Variants in NR1H4 observed in about 807,000 individuals in gnomAD.
The protein encoded by NR1H4 is bile acid receptor.
A neutral mutation model predicts 58.5 loss-of-function variants in NR1H4; 23 were observed. The observed-to-expected ratio is 0.39, with a 90% CI of 0.28 to 0.56. The LOEUF (loss-of-function observed/expected upper bound fraction) is 0.56. NR1H4 is among the 20% of genes least tolerant of loss of function. The pLI is 0.58. For missense variants in NR1H4, 487 were observed against 576.9 expected (o/e 0.84, Z 1.60); for synonymous variants, 214 against 198.0 (o/e 1.08, Z -0.68).
intron 9 of NR1H4, among the ~76,000 whole-genome samples, chr12:100,551,894 T>C (rs1283890458): frequency 6.6e-6 from 1 of 152,222 alleles, no homozygotes. Context: ...AGATGACTTA[T>C]AATACCTAAT....
At chr12:100,558,912 C>A (rs1238062056) in intron 9 of NR1H4, among the ~76,000 whole-genome samples, 2 of 152,096 alleles carry the variant, frequency 1.3e-5, no homozygotes, top group Non-Finnish European at 2.9e-5. Flanking sequence ...TGCCTTTGGG[C>A]TAGTTATATA....
At chr12:100,531,899 T>C (rs1042864540) in intron 4 of NR1H4, among the ~76,000 whole-genome samples, 17 of 152,156 alleles carry the variant, frequency 1.1e-4, no homozygotes, top group African/African-American at 4.1e-4. Context: ...TGAATGCGAT[T>C]TTCTCCCTGA....
intron 1 of NR1H4, among the ~76,000 whole-genome samples, chr12:100,486,553 C>T (rs1441107468): frequency 6.6e-6 from 1 of 152,164 alleles, no homozygotes; most frequent in Non-Finnish European, 1.5e-5. Context: ...AGCAGATTTT[C>T]TCCCTAAATA....
intron 4 of NR1H4, among the ~76,000 whole-genome samples, chr12:100,519,480 A>C (rs906037350): frequency 6.6e-6 from 1 of 152,036 alleles, no homozygotes; most frequent in African/African-American, 2.4e-5. Context: ...CTGTGACACC[A>C]TCCTGGGGTA....
At chr12:100,483,794 G>C (rs989078049) in intron 1 of NR1H4, among the ~76,000 whole-genome samples, 3 of 152,030 alleles carry the variant, frequency 2.0e-5, no homozygotes, top group African/African-American at 7.3e-5. Context: ...GACCAGTCTG[G>C]CCAACATGGT....
intron 9 of NR1H4, among the ~76,000 whole-genome samples, chr12:100,551,561 T>G (rs1475586163): frequency 2.0e-5 from 3 of 152,234 alleles, no homozygotes; most frequent in Non-Finnish European, 2.9e-5. Context: ...TGCTAACTTT[T>G]GCATGGGCAA....
intron 9 of NR1H4, among the ~76,000 whole-genome samples, chr12:100,556,851 A>G (rs960770933): frequency 1.3e-5 from 2 of 152,220 alleles, no homozygotes; most frequent in Non-Finnish European, 2.9e-5. Flanking sequence ...ATTCGTTTAT[A>G]TATTTGAAAA....
At position 100,559,756 on chromosome 12, in the gene NR1H4, G is replaced by A. The variant is rs562529089; in HGVS notation, c.1079-2129G>A. On this transcript the variant is annotated intron_variant, in intron 9 of 10. Coordinates refer to ENST00000392986, the MANE Select transcript of NR1H4 (RefSeq NM_001206979.2). ...CAGTCCCATCGACCACCCAAGGGCTGAGGAATGCGAGCGCAGGGCGCATGA... is the reference window on the plus strand; with the variant it reads ...CAGTCCCATCGACCACCCAAGGGCTAAGGAATGCGAGCGCAGGGCGCATGA... Among the ~76,000 whole-genome samples the A allele has an allele frequency of 6.9e-3, 1,052 of 152,370 alleles. 8 individuals are homozygous for A. The highest frequency in any genetic ancestry group is 0.012 in the Non-Finnish European group (836 of 68,034).
At chr12:100,522,593 A>G (rs570046509) in intron 4 of NR1H4, among the ~76,000 whole-genome samples, 14 of 151,942 alleles carry the variant, frequency 9.2e-5, no homozygotes, top group Admixed American at 4.6e-4. Context: ...AGTCGTACAA[A>G]TGGTTTTTTG....
intron 6 of NR1H4, among the ~76,000 whole-genome samples, chr12:100,535,651 A>G (rs1351245163): frequency 1.3e-5 from 2 of 152,268 alleles, no homozygotes; most frequent in African/African-American, 4.8e-5. Context: ...TATTTATTAC[A>G]TTATTGACAA....
In NR1H4 at chr12:100,507,491, T is replaced by A. The variant is rs1953995844; in HGVS notation, c.80-3287T>A. Among the ~76,000 whole-genome samples the A allele has an allele frequency of 3.3e-5, 5 of 152,174 alleles. 1 individual carries two copies. The South Asian group carries it at 1.0e-3, about 32-fold the overall frequency. On this transcript the variant is annotated intron_variant, in intron 3 of 10. Transcript: ENST00000392986. ...TGTTTTTGTTTTTTTTGAGACAGAG[T>A]CTTGCTCTGTCTCCAGGCTGGAGTG...
At chr12:100,504,621 G>A (rs1270547326) in intron 3 of NR1H4, among the ~76,000 whole-genome samples, 1 of 152,182 alleles carries the variant, frequency 6.6e-6, no homozygotes, top group African/African-American at 2.4e-5. Flanking sequence ...GCACTATGCA[G>A]TTTCCATTCT....
chr12:100,560,121 C>G (rs1034104912), intron 9 of NR1H4, among the ~76,000 whole-genome samples: 1 of 150,850 alleles, frequency 6.6e-6, no homozygotes, highest in African/African-American at 2.5e-5. Context: ...TGTGGAAACT[C>G]TGTATCTAAC....
intron 1 of NR1H4, among the ~76,000 whole-genome samples, chr12:100,476,107 CAGAT>C (rs1004720545): frequency 6.6e-6 from 1 of 152,256 alleles, no homozygotes; most frequent in Admixed American, 6.5e-5. Context: ...CGTCCACAGG[CAGAT>C]AGTTAGGAAG....
At chr12:100,481,528 C>A (rs1953380134) in intron 1 of NR1H4, among the ~76,000 whole-genome samples, 1 of 152,094 alleles carries the variant, frequency 6.6e-6, no homozygotes. Context: ...AATCCCAGCA[C>A]TTTGGGAGGC....
chr12:100,562,191 T>A (rs947696655), intron 10 of NR1H4, among the ~76,000 whole-genome samples, 193 bp downstream of exon 10: 1 of 152,232 alleles, frequency 6.6e-6, no homozygotes, highest in Non-Finnish European at 1.5e-5. Flanking sequence ...AATATCACAC[T>A]TATTCATTTA....
chr12:100,494,352 C>A (rs1239709430), intron 3 of NR1H4, among the ~76,000 whole-genome samples: 1 of 152,168 alleles, frequency 6.6e-6, no homozygotes, highest in Non-Finnish European at 1.5e-5. Context: ...TAATTATTTA[C>A]ATGTGTACCT....
At chr12:100,539,185 AATGAGTAAAG>A (rs1220646040) in intron 8 of NR1H4, among the ~76,000 whole-genome samples, 1 of 152,206 alleles carries the variant, frequency 6.6e-6, no homozygotes, top group Non-Finnish European at 1.5e-5. Flanking sequence ...GTGTGTGTTC[AATGAGTAAAG>A]CAGAAGGAAA....
chr12:100,487,758 C>T (rs958235919), intron 1 of NR1H4, among the ~76,000 whole-genome samples: 18 of 150,768 alleles, frequency 1.2e-4, no homozygotes, highest in African/African-American at 3.9e-4. Flanking sequence ...ATTACAGGCA[C>T]CTGCCACCAC....
Sources: allele counts gnomAD v4.1 joint callset (sites outside exome capture counted in the v4.1 genomes callset), GRCh38; gene constraint gnomAD v4.1.1; transcripts MANE v1.5; gene names NCBI Gene and HGNC (gene_info 2026-07-23, HGNC 2026-07-21).